Variants in TLR8 observed in about 807,000 individuals in gnomAD.
TLR8 encodes the protein toll-like receptor 8.
Under a neutral mutation model 18.5 loss-of-function variants are expected in TLR8, and 5 were observed. That is an observed-to-expected ratio of 0.27 (90% CI 0.14 to 0.57). TLR8 has a LOEUF of 0.57. Among genes scored for constraint, TLR8 ranks in the 20% least tolerant of loss-of-function variants. The pLI is 0.92. For synonymous variants in TLR8, 299 were observed against 300.1 expected (o/e 1.00, Z 0.04); for missense variants, 543 against 769.8 (o/e 0.71, Z 3.49).
chrX:12,917,728 A>T (rs907082816), intron 1 of TLR8, among the ~76,000 whole-genome samples: 1 of 112,644 alleles, frequency 8.9e-6, no homozygotes, highest in East Asian at 2.7e-4. Flanking sequence ...CTGAGGGTGC[A>T]TAAAAATATA....
intron 1 of TLR8, among the ~76,000 whole-genome samples, chrX:12,908,542 C>T (rs2043000344): frequency 8.9e-6 from 1 of 112,569 alleles, no homozygotes; most frequent in East Asian, 2.8e-4. Flanking sequence ...ACTCCTGCTG[C>T]CCAGACTGAA....
In TLR8 at chrX:12,919,647, T is replaced by C. The variant is rs1293848798; in HGVS notation, c.607T>C (p.Leu203=). 3.3e-6 allele frequency: 4 copies of C among 1,209,836 alleles called. No homozygotes were observed. In the African/African-American group the frequency reaches 5.2e-5, roughly 16 times the overall value. ...EDGVFETLTN[L]ELLSLSFNSL... is the part of the protein sequence containing the mutation. ...TGGAGTATTTGAAACGCTGACAAAT[T>C]TGGAGTTGCTATCACTATCTTTCAA... Residue 203 remains leucine (L), a synonymous_variant, in exon 2 of 2, where the codon TTG becomes CTG. Transcript: ENST00000218032.
intron 1 of TLR8, among the ~76,000 whole-genome samples, chrX:12,908,712 T>C (rs1395403761): frequency 8.9e-6 from 1 of 112,775 alleles, no homozygotes; most frequent in Non-Finnish European, 1.9e-5. Flanking sequence ...TCCGTTTTTT[T>C]AGGTGGCTAG....
At chrX:12,916,210 A>C (rs1305238518) in intron 1 of TLR8, among the ~76,000 whole-genome samples, 1 of 111,894 alleles carries the variant, frequency 8.9e-6, no homozygotes, top group Non-Finnish European at 1.9e-5. Flanking sequence ...TTAGGCTCTT[A>C]CAGTGTCATG....
intron 1 of TLR8, among the ~76,000 whole-genome samples, chrX:12,913,521 T>G (rs1327667742): frequency 8.9e-6 from 1 of 112,984 alleles, no homozygotes; most frequent in Non-Finnish European, 1.9e-5. Flanking sequence ...AATATAGCAT[T>G]GCCTTATCCG....
intron 1 of TLR8, among the ~76,000 whole-genome samples, chrX:12,907,816 C>A (rs906606706): frequency 9.0e-6 from 1 of 110,777 alleles, no homozygotes; most frequent in South Asian, 3.9e-4. Flanking sequence ...CATGAGCCAC[C>A]GCGCCCGGCC....
chrX:12,919,118 C>T lies in TLR8; in HGVS notation c.78C>T (p.Ala26=), dbSNP rs5744078. 16,488 of 1,209,461 alleles carry T rather than the reference C, an allele frequency of 0.014. 1,406 individuals are homozygous for T. The African/African-American group carries it at 0.25, about 19-fold the overall frequency. Residue 26 remains alanine, a synonymous_variant, in exon 2 of 2, where the codon GCC becomes GCT. Transcript: ENST00000218032. ...LLISGSCELC[A]EENFSRSYPC... ...TATCTGGTTCCTGTGAGTTATGCGC[C>T]GAAGAAAATTTTTCTAGAAGCTATC... is the stretch of plus-strand genomic sequence containing the variant.
chrX:12,921,299 A>G lies in TLR8; in HGVS notation c.2259A>G (p.Lys753=), dbSNP rs780867753. 3 of 1,209,619 alleles carry G rather than the reference A, an allele frequency of 2.5e-6. No individual in the cohort carries two copies. Among genetic ancestry groups the G allele is most frequent in the Non-Finnish European group, 1.1e-6 (1 of 895,162 alleles). ...CCAATCTGCTAAAAACAATCAACAA[A>G]TCCGCACTTGAAACTAAGACCACCA... The part of the protein sequence containing the change: ...LSSNLLKTIN[K]SALETKTTTK... The change falls in exon 2 of 2, where the codon AAA becomes AAG. Residue 753 remains lysine, a synonymous_variant. Transcript: ENST00000218032.
At chrX:12,917,675 T>A (rs1048832518) in intron 1 of TLR8, among the ~76,000 whole-genome samples, 1 of 112,171 alleles carries the variant, frequency 8.9e-6, no homozygotes. Context: ...GCCCTCTATT[T>A]ATTAAGAAAC....
Position 12,920,456 on chromosome X carries a change from T to A in TLR8, c.1416T>A (p.Arg472=), listed in dbSNP as rs756515654. Residue 472 remains arginine (R), a synonymous_variant, in exon 2 of 2, where the codon CGT becomes CGA. Transcript: ENST00000218032. ...ATTCGAACTTTTATCATTTCACCCGTCCTTTAATAAAGCCACAATGTGCTG... is the reference window on the plus strand; with the variant it reads ...ATTCGAACTTTTATCATTTCACCCGACCTTTAATAAAGCCACAATGTGCTG... ...DPHSNFYHFT[R]PLIKPQCAAY... 1.1e-5 allele frequency: 13 copies of A among 1,209,793 alleles called. No individual in the cohort carries two copies. In the Admixed American group the frequency reaches 2.8e-4, roughly 26 times the overall value.
At chrX:12,915,282 C>T (rs774372799) in intron 1 of TLR8, among the ~76,000 whole-genome samples, 1 of 111,595 alleles carries the variant, frequency 9.0e-6, no homozygotes, top group Non-Finnish European at 1.9e-5. Flanking sequence ...CCAGTCTCAG[C>T]CTCCCAAGTA....
Position 12,921,492 on chromosome X carries a change from G to A in TLR8, c.2452G>A (p.Glu818Lys). Residue 818 changes from glutamate to lysine, a missense_variant, in exon 2 of 2, where the codon GAG becomes AAG. Physicochemically the swap from Glu to Lys is moderately conservative, Grantham distance 56 (BLOSUM62 1). This residue lies in a region of TLR8 where 227 missense variants were observed against 312.9 expected (regional missense o/e 0.73). Transcript: ENST00000218032. The stretch of plus-strand genomic sequence containing the variant: ...AAGAGGGAAGAGTATTGTGAGTCTG[G>A]AGCTAACAACTTGTGTTTCAGATGT... ...DQRGKSIVSLELTTCVSDVTA... is the reference protein window; with the variant it reads ...DQRGKSIVSLKLTTCVSDVTA... The A allele has an allele frequency of 8.3e-7, 1 of 1,211,106 alleles. No individual in the cohort carries two copies. Among genetic ancestry groups the A allele is most frequent in the Non-Finnish European group, 1.1e-6 (1 of 894,860 alleles).
chrX:12,910,282 T>C, intron 1 of TLR8: 1 of 1,115,329 alleles, frequency 9.0e-7, no homozygotes, highest in Admixed American at 3.3e-5. Context: ...ACTGAGGAGA[T>C]TAATTACATG....
At position 12,919,728 on chromosome X, in the gene TLR8, A is replaced by G; in HGVS notation, c.688A>G (p.Ser230Gly). 1 of 1,210,194 alleles carries G rather than the reference A, an allele frequency of 8.3e-7. No individual in the cohort carries two copies. The highest frequency in any genetic ancestry group is 1.1e-6 in the Non-Finnish European group (1 of 894,886). ...LPSSLRKLFL[S>G]NTQIKYISEE... ...AAGCTCCCTACGCAAACTTTTTCTG[A>G]GCAACACCCAGATCAAATACATTAG... Residue 230 changes from serine to glycine, a missense_variant, in exon 2 of 2, where the codon AGC becomes GGC. Ser to Gly is a moderately conservative substitution (Grantham distance 56, BLOSUM62 0). Around this residue, in one of 4 missense-constraint regions of TLR8, gnomAD observed 185 missense variants for 298.9 expected, o/e 0.62. Transcript: ENST00000218032.
At chrX:12,909,785 C>T (rs551473463) in intron 1 of TLR8, among the ~76,000 whole-genome samples, 1 of 111,957 alleles carries the variant, frequency 8.9e-6, no homozygotes, top group Non-Finnish European at 1.9e-5. Context: ...ATCTGAGTGA[C>T]CTTGAAAACA....
chrX:12,921,524 A>C lies in TLR8; in HGVS notation c.2484A>C (p.Ala828=). 1.7e-6 allele frequency: 2 copies of C among 1,211,709 alleles called. No individual in the cohort carries two copies. The highest frequency in any genetic ancestry group is 1.8e-5 in the South Asian group (1 of 57,005). Residue 828 remains alanine (A), a synonymous_variant, in exon 2 of 2, where the codon GCA becomes GCC. Coordinates refer to ENST00000218032, the MANE Select transcript of TLR8 (RefSeq NM_138636.5). ...ELTTCVSDVT[A]VILFFFTFFI... ...CAACTTGTGTTTCAGATGTCACTGCAGTGATATTATTTTTCTTCACGTTCT... is the reference window on the plus strand; with the variant it reads ...CAACTTGTGTTTCAGATGTCACTGCCGTGATATTATTTTTCTTCACGTTCT...
intron 1 of TLR8, among the ~76,000 whole-genome samples, chrX:12,918,118 T>C (rs1454159882): frequency 8.9e-6 from 1 of 112,498 alleles, no homozygotes; most frequent in Non-Finnish European, 1.9e-5. Context: ...CTTAGCACAA[T>C]ACCTGACATT....
At chrX:12,910,488 G>T in intron 1 of TLR8, 2 of 1,138,837 alleles carry the variant, frequency 1.8e-6, no homozygotes, top group Non-Finnish European at 2.4e-6. Flanking sequence ...GCCCCTCCCA[G>T]ACCACCTGCA....
chrX:12,920,215 A>G lies in TLR8; in HGVS notation c.1175A>G (p.Gln392Arg), dbSNP rs2043084538. Residue 392 changes from glutamine to arginine, a missense_variant, in exon 2 of 2, where the codon CAG becomes CGG. Gln to Arg is a conservative substitution (Grantham distance 43). Transcript: ENST00000218032. ...LREDDFQPLM[Q>R]LPNLSTINLG... The stretch of plus-strand genomic sequence containing the variant: ...GAAGATGATTTCCAGCCCCTGATGC[A>G]GCTTCCAAACTTATCGACTATCAAC... The G allele has an allele frequency of 8.3e-7, 1 of 1,207,673 alleles. No homozygotes were observed. The highest frequency in any genetic ancestry group is 1.8e-5 in the South Asian group (1 of 56,284).
Sources: gnomAD v4.1 joint callset for allele counts (sites outside exome capture counted in the v4.1 genomes callset) on GRCh38, gnomAD v4.1.1 for gene constraint, gnomAD v4.1.1 regional missense constraint, MANE v1.5 for transcripts, NCBI Gene and HGNC (gene_info 2026-07-23, HGNC 2026-07-21) for gene names.